The following COG5 variants were observed in gnomAD, a reference collection of about 807,000 sequenced individuals.
The protein encoded by COG5 is conserved oligomeric Golgi complex subunit 5.
COG5 carries 86 observed loss-of-function variants against 110.4 expected under a neutral mutation model. That is an observed-to-expected ratio of 0.78 (90% CI 0.65 to 0.93). The LOEUF (loss-of-function observed/expected upper bound fraction) is 0.93. Ranked by LOEUF, COG5 falls within the 40% of genes least tolerant of loss-of-function variation. The pLI, the probability that COG5 is intolerant of heterozygous loss-of-function variation, is 0.00. For synonymous variants in COG5, 360 were observed against 334.6 expected, an observed-to-expected ratio of 1.08 and a Z score of -0.83; for missense variants, 1,077 against 987.0, an observed-to-expected ratio of 1.09 and a Z score of -1.22.
rs1813201138 is a variant in COG5 at position 107,362,389 on chromosome 7, T to C, written c.867A>G (p.Pro289=). 3.1e-6 allele frequency: 5 copies of C among 1,613,850 alleles called. No homozygotes were observed. Among genetic ancestry groups the C allele is most frequent in the African/African-American group, 2.7e-5 (2 of 74,900 alleles). ...AGGCACGCAAAGCTGCAGTATTTCC[T>C]GGGGTTGGCATGGTAGATCGTCCAG... is the stretch of plus-strand genomic sequence containing the variant. ...GGPGRSTMPT[P]GNTAALRASF... is the part of the protein sequence containing the mutation. Residue 289 remains proline (P), a synonymous_variant, in exon 9 of 22, where the codon CCA becomes CCG. Coordinates refer to ENST00000297135, the MANE Select transcript of COG5 (RefSeq NM_006348.5).
intron 7 of COG5, among the ~76,000 whole-genome samples, chr7:107,375,750 A>AT (rs1301502718): frequency 6.6e-6 from 1 of 151,970 alleles, no homozygotes; most frequent in Non-Finnish European, 1.5e-5. Flanking sequence ...TTTGATAATT[A>AT]TATGTACTGC....
chr7:107,242,697 A>T (rs1801738338), intron 17 of COG5, among the ~76,000 whole-genome samples: 1 of 152,180 alleles, frequency 6.6e-6, no homozygotes, highest in Non-Finnish European at 1.5e-5. Flanking sequence ...TGTCTCCCAC[A>T]GGTCCCCCTG....
intron 11 of COG5, among the ~76,000 whole-genome samples, chr7:107,298,861 A>G (rs1244572779): frequency 1.3e-5 from 2 of 152,194 alleles, no homozygotes; most frequent in African/African-American, 2.4e-5. Context: ...ATAGTTTTAG[A>G]TTAGAAATCA....
At chr7:107,223,161 G>A (rs990271478) in intron 19 of COG5, among the ~76,000 whole-genome samples, 1 of 152,200 alleles carries the variant, frequency 6.6e-6, no homozygotes, top group African/African-American at 2.4e-5. Flanking sequence ...TGCGTACTGA[G>A]GTCTGGAAGC....
chr7:107,484,476 C>T (rs1797538844), intron 6 of COG5, among the ~76,000 whole-genome samples: 1 of 152,174 alleles, frequency 6.6e-6, no homozygotes, highest in Non-Finnish European at 1.5e-5. Context: ...AGATTAAAAA[C>T]TCCCTAGATG....
intron 19 of COG5, among the ~76,000 whole-genome samples, chr7:107,212,486 G>T (rs890282795): frequency 2.0e-5 from 3 of 152,236 alleles, no homozygotes; most frequent in African/African-American, 4.8e-5. Flanking sequence ...ACTTTGCTGA[G>T]AATATTTCAG....
chr7:107,294,966 C>CATAT (rs1204520166), intron 12 of COG5, among the ~76,000 whole-genome samples: 1 of 125,434 alleles, frequency 8.0e-6, no homozygotes, highest in African/African-American at 3.0e-5. Flanking sequence ...TATATACACA[C>CATAT]ATATATATAT....
chr7:107,412,355 T>C (rs1432649397), intron 7 of COG5, 147 bp downstream of exon 7: 2 of 424,504 alleles, frequency 4.7e-6, no homozygotes, highest in East Asian at 1.2e-4. Flanking sequence ...CCCTTAACGA[T>C]GACCCATTCT....
At chr7:107,501,565 AT>A (rs1406028832) in intron 6 of COG5, among the ~76,000 whole-genome samples, 2 of 152,120 alleles carry the variant, frequency 1.3e-5, no homozygotes, top group African/African-American at 2.4e-5. Context: ...GTTACCCTGA[AT>A]TTTTTACACT....
intron 19 of COG5, 50 bp from the exon 20 acceptor site, chr7:107,211,275 G>A (rs762506340): frequency 6.3e-7 from 1 of 1,589,642 alleles, no homozygotes; most frequent in Non-Finnish European, 8.6e-7. Context: ...ACTGAAATAG[G>A]TGATTTGGTG....
At chr7:107,389,015 T>G (rs998253247) in intron 7 of COG5, among the ~76,000 whole-genome samples, 1 of 152,244 alleles carries the variant, frequency 6.6e-6, no homozygotes, top group Non-Finnish European at 1.5e-5. Context: ...TTCCTAGCTA[T>G]GCTTTCTGTT....
intron 6 of COG5, 98 bp downstream of exon 6, chr7:107,527,139 G>A: frequency 9.1e-7 from 1 of 1,096,338 alleles, no homozygotes; most frequent in East Asian, 2.6e-5. Context: ...TTGTTTAATA[G>A]TACTTGCTAA....
At chr7:107,539,886 C>A (rs1391886404) in intron 5 of COG5, among the ~76,000 whole-genome samples, 1 of 152,056 alleles carries the variant, frequency 6.6e-6, no homozygotes, top group Non-Finnish European at 1.5e-5. Context: ...TAACAGAAAA[C>A]ACAGGTCTGT....
chr7:107,529,139 C>T (rs1800993394), intron 5 of COG5, among the ~76,000 whole-genome samples: 1 of 150,946 alleles, frequency 6.6e-6, no homozygotes, highest in Non-Finnish European at 1.5e-5. Flanking sequence ...AATACAAGCA[C>T]ATGATTCAAA....
intron 14 of COG5, among the ~76,000 whole-genome samples, chr7:107,275,930 T>C (rs1804671245): frequency 6.6e-6 from 1 of 152,192 alleles, no homozygotes; most frequent in African/African-American, 2.4e-5. Flanking sequence ...CATAGGAATG[T>C]CAAGTCTCCA....
chr7:107,553,848 T>A (rs1803100695), intron 3 of COG5, among the ~76,000 whole-genome samples: 1 of 152,236 alleles, frequency 6.6e-6, no homozygotes, highest in African/African-American at 2.4e-5. Flanking sequence ...ATTGTTTTAA[T>A]TAACTAACAC....
chr7:107,501,167 G>A (rs1798607357), intron 6 of COG5, among the ~76,000 whole-genome samples: 1 of 151,968 alleles, frequency 6.6e-6, no homozygotes, highest in Non-Finnish European at 1.5e-5. Context: ...GTCAACAATA[G>A]AATAAGCCTG....
intron 14 of COG5, among the ~76,000 whole-genome samples, chr7:107,260,275 C>T (rs1293246795): frequency 2.6e-5 from 4 of 151,966 alleles, no homozygotes; most frequent in African/African-American, 9.7e-5. Context: ...CATACTACAA[C>T]ATAGGTGAAT....
chr7:107,292,608 G>A (rs1048004738), intron 12 of COG5, among the ~76,000 whole-genome samples: 9 of 152,262 alleles, frequency 5.9e-5, no homozygotes, highest in Admixed American at 4.6e-4. Context: ...ACAAGATAAC[G>A]AAGGAATTCT....
Sources: gnomAD v4.1 joint callset for allele counts (sites outside exome capture counted in the v4.1 genomes callset) on GRCh38, gnomAD v4.1.1 for gene constraint, MANE v1.5 for transcripts, NCBI Gene and HGNC (gene_info 2026-07-23, HGNC 2026-07-21) for gene names.